Variants in ATAD2B observed in about 807,000 individuals in gnomAD.
ATAD2B encodes the protein ATPase family AAA domain-containing protein 2B.
In ATAD2B, 40 loss-of-function variants were observed where a neutral mutation model predicts 167.6. That is an observed-to-expected ratio of 0.24 (90% CI 0.19 to 0.31). The LOEUF (loss-of-function observed/expected upper bound fraction) is 0.31. Among genes scored for constraint, ATAD2B ranks in the 10% least tolerant of loss-of-function variants. The pLI is 1.00. For synonymous variants in ATAD2B, 579 were observed against 596.5 expected (o/e 0.97, Z 0.43); for missense variants, 1,242 against 1,757.2 (o/e 0.71, Z 5.24).
the ATAD2B span, chr2:23,703,039 G>A: frequency 5.2e-5 from 26 of 501,010 alleles, no homozygotes; most frequent in African/African-American, 8.0e-5. Context: ...GTGTCTCATC[G>A]CAGTGCCCCC....
the ATAD2B span, chr2:23,685,521 G>C: frequency 6.6e-6 from 1 of 152,336 alleles, no homozygotes; most frequent in African/African-American, 2.4e-5. Context: ...TAACCCCGGA[G>C]TGACTGTGTT....
At chr2:23,776,704 A>C (rs1179473987) in intron 22 of ATAD2B, among the ~76,000 whole-genome samples, 1 of 152,210 alleles carries the variant, frequency 6.6e-6, no homozygotes, top group African/African-American at 2.4e-5. Flanking sequence ...CGTATTTCTA[A>C]TAAGACCTTA....
chr2:23,686,121 C>T, the ATAD2B span, among the ~76,000 whole-genome samples: 6,309 of 144,440 alleles, frequency 0.044, 211 homozygotes, highest in East Asian at 0.17. Flanking sequence ...CATTCCAGGC[C>T]GGGGATGGGG....
At chr2:23,785,970 A>G (rs1048315991) in intron 21 of ATAD2B, 57 bp downstream of exon 21, 9 of 1,430,802 alleles carry the variant, frequency 6.3e-6, no homozygotes, top group Admixed American at 2.6e-5. Context: ...AAAGATGTCA[A>G]TATTTTTTTC....
At chr2:23,851,686 A>G (rs935168248) in intron 13 of ATAD2B, among the ~76,000 whole-genome samples, 1 of 152,230 alleles carries the variant, frequency 6.6e-6, no homozygotes, top group Non-Finnish European at 1.5e-5. Context: ...GGACAAACAT[A>G]TCATGATGTG....
chr2:23,884,075 C>T (rs1366635151), intron 6 of ATAD2B, among the ~76,000 whole-genome samples: 5 of 151,964 alleles, frequency 3.3e-5, no homozygotes, highest in African/African-American at 1.2e-4. Context: ...ACCCAGGAGG[C>T]GGAGGTTGCA....
At chr2:23,722,719 A>G in the ATAD2B span, among the ~76,000 whole-genome samples, 147 of 152,302 alleles carry the variant, frequency 9.7e-4, no homozygotes, top group African/African-American at 3.3e-3. Context: ...TAGGCCCAGG[A>G]AGCTCAAAGA....
chr2:23,865,100 T>A (rs1694943339), intron 10 of ATAD2B, among the ~76,000 whole-genome samples, 176 bp from the exon 11 acceptor site: 1 of 152,178 alleles, frequency 6.6e-6, no homozygotes, highest in Non-Finnish European at 1.5e-5. Flanking sequence ...AGTTTACATT[T>A]CAGTTCAGGC....
intron 22 of ATAD2B, among the ~76,000 whole-genome samples, chr2:23,770,804 T>C (rs1678213524): frequency 6.6e-6 from 1 of 152,204 alleles, no homozygotes; most frequent in South Asian, 2.1e-4. Context: ...TTTTCCAAAG[T>C]TGTTTTGACT....
intron 18 of ATAD2B, 133 bp from the exon 19 acceptor site, chr2:23,798,456 G>T: frequency 1.6e-6 from 1 of 618,380 alleles, no homozygotes; most frequent in Non-Finnish European, 2.6e-6. Flanking sequence ...TTAAGTTCAA[G>T]ATATGATGCA....
rs767891470 is a variant in ATAD2B, at chr2:23,875,917, A to G, written c.902-13T>C. ...TGATGAGCTGGTACTAAAAGGGAAGAAAAGGATAATAGAGAAATAACTAAT... is the reference window on the plus strand; with the variant it reads ...TGATGAGCTGGTACTAAAAGGGAAGGAAAGGATAATAGAGAAATAACTAAT... On this transcript the variant is annotated splice_polypyrimidine_tract_variant and intron_variant, in intron 7 of 27. Coordinates refer to ENST00000238789, the MANE Select transcript of ATAD2B (RefSeq NM_017552.4). The G allele has an allele frequency of 1.3e-6, 2 of 1,558,656 alleles. No homozygotes were observed. The highest frequency in any genetic ancestry group is 3.5e-5 in the Admixed American group (2 of 57,224).
At chr2:23,900,252 T>C (rs937946167) in intron 1 of ATAD2B, among the ~76,000 whole-genome samples, 1 of 151,492 alleles carries the variant, frequency 6.6e-6, no homozygotes, top group South Asian at 2.1e-4. Flanking sequence ...TATTTTATTT[T>C]ATTTGAGACA....
intron 24 of ATAD2B, among the ~76,000 whole-genome samples, chr2:23,758,991 G>A (rs1422948986): frequency 6.6e-6 from 1 of 152,142 alleles, no homozygotes; most frequent in Non-Finnish European, 1.5e-5. Flanking sequence ...TCAAATTGAG[G>A]TAGATGGTTA....
intron 24 of ATAD2B, among the ~76,000 whole-genome samples, chr2:23,761,347 G>A (rs532475290): frequency 6.6e-6 from 1 of 152,342 alleles, no homozygotes; most frequent in South Asian, 2.1e-4. Flanking sequence ...AAGTAGTTCA[G>A]GTTGAGTATC....
At chr2:23,705,679 G>A in the ATAD2B span, among the ~76,000 whole-genome samples, 4 of 152,186 alleles carry the variant, frequency 2.6e-5, no homozygotes, top group Non-Finnish European at 4.4e-5. Flanking sequence ...TTCTCTTTAA[G>A]AGATTTCAGA....
chr2:23,819,609 G>T, intron 17 of ATAD2B, 138 bp downstream of exon 17: 1 of 651,152 alleles, frequency 1.5e-6, no homozygotes, highest in Non-Finnish European at 2.3e-6. Flanking sequence ...CATAGTAAAA[G>T]TTTTCCAGAA....
the ATAD2B span, among the ~76,000 whole-genome samples, chr2:23,736,722 C>T: frequency 5.3e-5 from 8 of 152,092 alleles, no homozygotes; most frequent in Admixed American, 3.3e-4. Flanking sequence ...GCCTACCGTG[C>T]GCGAGCCGAA....
chr2:23,863,618 T>C (rs1457590267), intron 11 of ATAD2B, 63 bp from the exon 12 acceptor site: 2 of 1,377,880 alleles, frequency 1.5e-6, no homozygotes, highest in Non-Finnish European at 9.8e-7. Flanking sequence ...TAACCAATTT[T>C]AAAAAATGTC....
At chr2:23,869,640 A>G (rs759403487) in intron 9 of ATAD2B, 23 bp downstream of exon 9, 1 of 1,491,008 alleles carries the variant, frequency 6.7e-7, no homozygotes, top group Non-Finnish European at 9.2e-7. Flanking sequence ...TACCATGGAA[A>G]TAACATTACA....
Sources: gnomAD v4.1 joint callset for allele counts (sites outside exome capture counted in the v4.1 genomes callset) on GRCh38, gnomAD v4.1.1 for gene constraint, MANE v1.5 for transcripts, NCBI Gene and HGNC (gene_info 2026-07-23, HGNC 2026-07-21) for gene names.